SYTL2: variants seen among roughly 807,000 people sequenced by gnomAD.
The protein encoded by SYTL2 is synaptotagmin like 2.
SYTL2 carries 165 observed loss-of-function variants against 198.7 expected under a neutral mutation model. The observed-to-expected ratio is 0.83, with a 90% CI of 0.73 to 0.94. The LOEUF is 0.94. Among genes scored for constraint, SYTL2 ranks in the 40% least tolerant of loss-of-function variants. The pLI, the probability that SYTL2 is intolerant of heterozygous loss-of-function variation, is 0.00. For missense variants in SYTL2, 2,835 were observed against 2,582.8 expected, an observed-to-expected ratio of 1.10 and a Z score of -2.12; for synonymous variants, 966 against 917.7, an observed-to-expected ratio of 1.05 and a Z score of -0.95.
At chr11:85,853,759 TACTG>T in the SYTL2 span, 7,179 of 151,438 alleles carry the variant, frequency 0.047, 278 homozygotes, top group South Asian at 0.094. Context: ...AGACCTTAAC[TACTG>T]ACTAATTCTC....
At chr11:85,827,981 C>CT in the SYTL2 span, among the ~76,000 whole-genome samples, 1 of 152,196 alleles carries the variant, frequency 6.6e-6, no homozygotes, top group Non-Finnish European at 1.5e-5. Flanking sequence ...AGTTTTCAGA[C>CT]TTTATCTTAA....
chr11:85,780,256 T>C (rs910676354), intron 1 of SYTL2, among the ~76,000 whole-genome samples: 1 of 152,214 alleles, frequency 6.6e-6, no homozygotes, highest in African/African-American at 2.4e-5. Context: ...CCAAATGAAA[T>C]GTCTCTCTGT....
chr11:85,728,906 T>C (rs929733427), intron 7 of SYTL2, among the ~76,000 whole-genome samples: 2 of 152,236 alleles, frequency 1.3e-5, no homozygotes, highest in African/African-American at 4.8e-5. Flanking sequence ...CACAGTAATC[T>C]TTACTAACAG....
intron 9 of SYTL2, among the ~76,000 whole-genome samples, chr11:85,719,902 T>C (rs1178089621): frequency 6.6e-6 from 1 of 151,996 alleles, no homozygotes; most frequent in Non-Finnish European, 1.5e-5. Context: ...AACATAACAA[T>C]GGCCAATTTT....
At position 85,727,095 on chromosome 11, in the gene SYTL2, T is replaced by C. The variant is rs1378991042; in HGVS notation, c.2263A>G (p.Thr755Ala). 2.6e-6 allele frequency: 4 copies of C among 1,535,886 alleles called. No individual in the cohort carries two copies. The highest frequency in any genetic ancestry group is 3.5e-6 in the Non-Finnish European group (4 of 1,146,804). ...ASLEPENIKSTPGVANNGSPW... is the reference protein window; with the variant it reads ...ASLEPENIKSAPGVANNGSPW... ...GAGCCATTGTTGGCAACCCCAGGTG[T>C]TGACTTAATATTCTCTGGCTCTAAG... Residue 755 changes from threonine (T) to alanine (A), a missense_variant, in exon 8 of 20, where the codon ACA becomes GCA. Thr to Ala is a moderately conservative substitution (Grantham distance 58, BLOSUM62 0). This residue lies in a region of SYTL2 where 2,645 missense variants were observed against 2,381.7 expected (regional missense o/e 1.11). Coordinates refer to ENST00000359152, the MANE Select transcript of SYTL2 (RefSeq NM_206927.4).
At chr11:85,777,837 T>TTTTTTTTA (rs2092481502) in intron 1 of SYTL2, among the ~76,000 whole-genome samples, 7 of 136,056 alleles carry the variant, frequency 5.1e-5, no homozygotes, top group Non-Finnish European at 7.6e-5. Context: ...TTTTTTTTTT[T>TTTTTTTTA]GAGACCGAGT....
intron 4 of SYTL2, among the ~76,000 whole-genome samples, chr11:85,741,278 C>T (rs1010063669): frequency 5.3e-5 from 8 of 152,086 alleles, no homozygotes; most frequent in Non-Finnish European, 7.4e-5. Flanking sequence ...AATGAAGAAA[C>T]GGCTCAGGGA....
chr11:85,765,728 G>T (rs2092222873), intron 1 of SYTL2, among the ~76,000 whole-genome samples: 1 of 152,148 alleles, frequency 6.6e-6, no homozygotes, highest in African/African-American at 2.4e-5. Context: ...AATTATGAAT[G>T]AAGAGGGAAA....
At chr11:85,839,588 G>T in the SYTL2 span, among the ~76,000 whole-genome samples, 1 of 152,132 alleles carries the variant, frequency 6.6e-6, no homozygotes, top group African/African-American at 2.4e-5. Flanking sequence ...ATGATATTCA[G>T]TTTCATCCAT....
chr11:85,723,299 C>A (rs545008789), intron 8 of SYTL2, among the ~76,000 whole-genome samples: 1 of 152,300 alleles, frequency 6.6e-6, no homozygotes, highest in East Asian at 1.9e-4. Context: ...CCTGGCCAGG[C>A]AATGCCCTTA....
intron 4 of SYTL2, 122 bp downstream of exon 4, chr11:85,745,515 C>G (rs2091089558): frequency 1.3e-5 from 14 of 1,077,850 alleles, no homozygotes; most frequent in Non-Finnish European, 1.9e-5. Flanking sequence ...TCATACACTG[C>G]CCCTTCCCCA....
chr11:85,727,458 A>G lies in SYTL2; in HGVS notation c.1900T>C (p.Phe634Leu). 6.5e-7 allele frequency: 1 copy of G among 1,536,096 alleles called. No individual in the cohort carries two copies. The highest frequency in any genetic ancestry group is 8.7e-7 in the Non-Finnish European group (1 of 1,146,882). ...PKEGPGILQP[F>L]ESYGTPSQGS... ...TGACTTGGGGTGCCATAGCTTTCAAATGGTTGCAATATACCTGGGCCTTCC... is the reference window on the plus strand; with the variant it reads ...TGACTTGGGGTGCCATAGCTTTCAAGTGGTTGCAATATACCTGGGCCTTCC... Residue 634 changes from phenylalanine (F) to leucine (L), a missense_variant, in exon 8 of 20, where the codon TTT becomes CTT. By Grantham distance (22) the Phe-to-Leu change is conservative. Transcript: ENST00000359152.
the SYTL2 span, among the ~76,000 whole-genome samples, chr11:85,845,590 T>C: frequency 5.3e-3 from 806 of 151,542 alleles, 10 homozygotes; most frequent in African/African-American, 0.018. Flanking sequence ...CAGAGAGACC[T>C]GGTCTCTACA....
At chr11:85,845,186 C>T in the SYTL2 span, among the ~76,000 whole-genome samples, 1 of 152,158 alleles carries the variant, frequency 6.6e-6, no homozygotes, top group Admixed American at 6.5e-5. Context: ...GCTTTTACCC[C>T]TTTTCTGGAA....
intron 1 of SYTL2, among the ~76,000 whole-genome samples, chr11:85,808,689 T>A (rs2092992632): frequency 1.3e-5 from 2 of 152,144 alleles, no homozygotes; most frequent in Admixed American, 6.5e-5. Context: ...TTTATATTTT[T>A]AAATCAAAGT....
At chr11:85,784,881 T>C (rs867929094) in intron 1 of SYTL2, among the ~76,000 whole-genome samples, 3 of 152,270 alleles carry the variant, frequency 2.0e-5, no homozygotes, top group African/African-American at 7.2e-5. Context: ...GTTCCTATCA[T>C]TGAGATTTAT....
intron 2 of SYTL2, among the ~76,000 whole-genome samples, chr11:85,752,950 AAC>A (rs1565984444): frequency 3.7e-3 from 524 of 142,204 alleles, no homozygotes; most frequent in African/African-American, 0.014. Flanking sequence ...AAAAAAAAAA[AAC>A]ACAACTAGGT....
chr11:85,699,128 A>G (rs189429392), intron 17 of SYTL2, among the ~76,000 whole-genome samples: 5 of 152,360 alleles, frequency 3.3e-5, no homozygotes, highest in Admixed American at 3.3e-4. Context: ...GTTTATAGTT[A>G]TGTTGGAGAG....
chr11:85,771,400 A>G (rs1793260721), intron 1 of SYTL2, among the ~76,000 whole-genome samples: 1 of 152,244 alleles, frequency 6.6e-6, no homozygotes, highest in Admixed American at 6.5e-5. Context: ...CAACAGTAAT[A>G]AAGTAATAAA....
Sources: gnomAD v4.1 joint callset for allele counts (sites outside exome capture counted in the v4.1 genomes callset) on GRCh38, gnomAD v4.1.1 for gene constraint, gnomAD v4.1.1 regional missense constraint, MANE v1.5 for transcripts, NCBI Gene and HGNC (gene_info 2026-07-23, HGNC 2026-07-21) for gene names.